The following CHCHD6 variants were observed in gnomAD, a reference collection of about 807,000 sequenced individuals.
CHCHD6 encodes the protein coiled-coil-helix-coiled-coil-helix domain containing 6, also known as MICOS complex subunit MIC25.
A neutral mutation model predicts 32.3 loss-of-function variants in CHCHD6; 28 were observed. That is an observed-to-expected ratio of 0.87 (90% CI 0.64 to 1.19). The LOEUF is 1.19. CHCHD6 is among the 50% of genes most tolerant of loss of function. The probability of loss-of-function intolerance (pLI) is 0.00; values close to 1 mark genes in which losing one functional copy is unlikely to be tolerated. For synonymous variants in CHCHD6, 122 were observed against 117.5 expected (o/e 1.04, Z -0.25); for missense variants, 333 against 307.0 (o/e 1.08, Z -0.63).
chr3:126,716,599 A>T lies in CHCHD6; in HGVS notation c.88-10479A>T, dbSNP rs560509381. Among the ~76,000 whole-genome samples, 21 of 152,096 alleles carry T rather than the reference A, an allele frequency of 1.4e-4. No homozygotes were observed. The South Asian group carries it at 3.5e-3, about 26-fold the overall frequency. On this transcript the variant is annotated intron_variant, in intron 1 of 7. Coordinates refer to ENST00000290913, the MANE Select transcript of CHCHD6 (RefSeq NM_032343.3). The stretch of plus-strand genomic sequence containing the variant: ...TGTTATGGACCCAGGCCTCTAATAA[A>T]TATTTAATTCATGTGGTTCACAAAC...
chr3:126,838,916 T>C (rs1171592357), intron 4 of CHCHD6, among the ~76,000 whole-genome samples: 1 of 150,238 alleles, frequency 6.7e-6, no homozygotes, highest in African/African-American at 2.5e-5. Flanking sequence ...TTTGAGACAG[T>C]CTTGCTCTGT....
chr3:126,814,227 CTT>C (rs1016042041), intron 4 of CHCHD6, among the ~76,000 whole-genome samples: 8 of 152,198 alleles, frequency 5.3e-5, no homozygotes, highest in African/African-American at 1.9e-4. Flanking sequence ...GGCGGTAACT[CTT>C]TGTCATCACT....
chr3:126,786,617 A>G (rs1938224517), intron 4 of CHCHD6, among the ~76,000 whole-genome samples: 1 of 151,896 alleles, frequency 6.6e-6, no homozygotes, highest in Non-Finnish European at 1.5e-5. Context: ...TTGGCTGCAT[A>G]AATGTCTTCT....
chr3:126,784,409 G>A (rs1010448369), intron 4 of CHCHD6, among the ~76,000 whole-genome samples: 3 of 152,042 alleles, frequency 2.0e-5, no homozygotes, highest in African/African-American at 4.8e-5. Flanking sequence ...CCCCTTGTCA[G>A]CCATTGTGGA....
At chr3:126,753,750 T>C (rs1936831550) in intron 4 of CHCHD6, among the ~76,000 whole-genome samples, 1 of 152,216 alleles carries the variant, frequency 6.6e-6, no homozygotes, top group African/African-American at 2.4e-5. Flanking sequence ...GTTTGGTTCT[T>C]CCTGCTCTCT....
chr3:126,788,886 C>T (rs1411017134), intron 4 of CHCHD6, among the ~76,000 whole-genome samples: 9 of 152,100 alleles, frequency 5.9e-5, no homozygotes, highest in Non-Finnish European at 1.3e-4. Context: ...TTTGCTCTTG[C>T]TTCTCTAGTT....
At chr3:126,782,830 C>T (rs1938010732) in intron 4 of CHCHD6, among the ~76,000 whole-genome samples, 1 of 152,128 alleles carries the variant, frequency 6.6e-6, no homozygotes, top group Admixed American at 6.5e-5. Flanking sequence ...AGTCATTCTT[C>T]CCTCCACCCC....
chr3:126,932,864 G>C (rs1442441972), intron 6 of CHCHD6, among the ~76,000 whole-genome samples: 4 of 151,406 alleles, frequency 2.6e-5, no homozygotes, highest in African/African-American at 9.7e-5. Flanking sequence ...GGGCTTCTCT[G>C]GATGTTATTT....
At chr3:126,721,434 A>G (rs1935288123) in intron 1 of CHCHD6, among the ~76,000 whole-genome samples, 3 of 152,112 alleles carry the variant, frequency 2.0e-5, no homozygotes, top group Non-Finnish European at 4.4e-5. Flanking sequence ...TCCTGTGTCT[A>G]AGTCTGCGCC....
chr3:126,804,634 G>T (rs1939262979), intron 4 of CHCHD6, among the ~76,000 whole-genome samples: 1 of 152,144 alleles, frequency 6.6e-6, no homozygotes, highest in African/African-American at 2.4e-5. Flanking sequence ...GGAGGAACTG[G>T]TACCATTCCT....
chr3:126,925,520 A>G (rs1004294720), intron 6 of CHCHD6, among the ~76,000 whole-genome samples: 2 of 152,222 alleles, frequency 1.3e-5, no homozygotes, highest in African/African-American at 4.8e-5. Flanking sequence ...AAAAGCAGCC[A>G]TGTCACTCTG....
intron 6 of CHCHD6, among the ~76,000 whole-genome samples, chr3:126,927,701 GTTTTC>G (rs1186985645): frequency 6.6e-6 from 1 of 152,114 alleles, no homozygotes; most frequent in African/African-American, 2.4e-5. Context: ...TGTCACTTTT[GTTTTC>G]TTTTGAGTGT....
At chr3:126,769,514 A>ATTTTT (rs1427983140) in intron 4 of CHCHD6, among the ~76,000 whole-genome samples, 7 of 151,172 alleles carry the variant, frequency 4.6e-5, no homozygotes, top group Non-Finnish European at 8.9e-5. Flanking sequence ...TTTTTCTTTC[A>ATTTTT]TTTTTTTGAG....
intron 1 of CHCHD6, 35 bp from the exon 2 acceptor site, chr3:126,727,043 T>C (rs144838054): frequency 2.0e-6 from 3 of 1,490,134 alleles, no homozygotes; most frequent in African/African-American, 2.8e-5. Context: ...TTCTGTGACA[T>C]AACTTTTTCT....
intron 5 of CHCHD6, among the ~76,000 whole-genome samples, chr3:126,907,816 C>T (rs1411126124): frequency 6.6e-6 from 1 of 152,204 alleles, no homozygotes; most frequent in African/African-American, 2.4e-5. Flanking sequence ...CTGGGCTGCA[C>T]ATTTTTCTAC....
intron 5 of CHCHD6, among the ~76,000 whole-genome samples, chr3:126,871,882 G>T (rs1193247848): frequency 6.6e-6 from 1 of 151,946 alleles, no homozygotes; most frequent in African/African-American, 2.4e-5. Context: ...AACCAGGATG[G>T]TCTCAATCTC....
intron 1 of CHCHD6, among the ~76,000 whole-genome samples, chr3:126,720,628 G>A (rs1935236672): frequency 6.6e-6 from 1 of 152,200 alleles, no homozygotes; most frequent in South Asian, 2.1e-4. Context: ...GCCAGTTTCA[G>A]CCACCATTTG....
chr3:126,814,269 C>T (rs189238347), intron 4 of CHCHD6, among the ~76,000 whole-genome samples: 41 of 152,300 alleles, frequency 2.7e-4, no homozygotes, highest in Non-Finnish European at 4.4e-5. Flanking sequence ...GAATTTGTGT[C>T]TCTTTGCTGA....
At chr3:126,814,810 C>T (rs1278384192) in intron 4 of CHCHD6, among the ~76,000 whole-genome samples, 1 of 152,138 alleles carries the variant, frequency 6.6e-6, no homozygotes, top group Non-Finnish European at 1.5e-5. Flanking sequence ...GGAGCTCCAA[C>T]CTAAAGCCAG....
Sources: gnomAD v4.1 joint callset for allele counts (sites outside exome capture counted in the v4.1 genomes callset) on GRCh38, gnomAD v4.1.1 for gene constraint, MANE v1.5 for transcripts, NCBI Gene and HGNC (gene_info 2026-07-23, HGNC 2026-07-21) for gene names.